MACROD2: variants seen among roughly 807,000 people sequenced by gnomAD.
The protein encoded by MACROD2 is ADP-ribose glycohydrolase MACROD2.
A neutral mutation model predicts 70.4 loss-of-function variants in MACROD2; 36 were observed. That is an observed-to-expected ratio of 0.51 (90% confidence interval 0.39 to 0.68). MACROD2 has a LOEUF of 0.68. Among genes scored for constraint, MACROD2 ranks in the 30% least tolerant of loss-of-function variants. MACROD2 has a pLI of 0.00. For missense variants in MACROD2, 496 were observed against 538.4 expected, an observed-to-expected ratio of 0.92 and a Z score of 0.78; for synonymous variants, 172 against 178.8, an observed-to-expected ratio of 0.96 and a Z score of 0.30.
At chr20:15,897,552 G>A (rs1260861248) in intron 10 of MACROD2, among the ~76,000 whole-genome samples, 7 of 151,282 alleles carry the variant, frequency 4.6e-5, no homozygotes, top group African/African-American at 1.5e-4. Flanking sequence ...AACCCATATC[G>A]CATTTTGTCC....
At chr20:15,474,697 C>T (rs564474703) in intron 7 of MACROD2, among the ~76,000 whole-genome samples, 9 of 152,296 alleles carry the variant, frequency 5.9e-5, no homozygotes, top group South Asian at 4.1e-4. Context: ...CCCATAGGTG[C>T]GTGGCTTGAC....
At chr20:14,426,153 C>T (rs2083930365) in intron 3 of MACROD2, among the ~76,000 whole-genome samples, 1 of 151,996 alleles carries the variant, frequency 6.6e-6, no homozygotes, top group Non-Finnish European at 1.5e-5. Flanking sequence ...ATTGATTTTA[C>T]CACTCCTCTT....
intron 5 of MACROD2, among the ~76,000 whole-genome samples, chr20:15,165,890 C>G (rs1283910265): frequency 1.3e-5 from 2 of 151,956 alleles, no homozygotes; most frequent in Non-Finnish European, 1.5e-5. Context: ...GTCCAAATGT[C>G]TATCAATCAA....
At position 15,916,203 on chromosome 20, in the gene MACROD2, G is replaced by A. The variant is rs139723390; in HGVS notation, c.776-17073G>A. On this transcript the variant is annotated intron_variant, in intron 10 of 17. Coordinates refer to ENST00000684519, the MANE Select transcript of MACROD2 (RefSeq NM_001351661.2). ...TTCCCACACACACCCTACTTTTGGG[G>A]AGCCTGGCTCTGGGCTTTTTCTCAC... Among the ~76,000 whole-genome samples the A allele has an allele frequency of 4.3e-3, 649 of 152,208 alleles. 4 individuals carry two copies. Among genetic ancestry groups the A allele is most frequent in the African/African-American group, 0.014 (602 of 41,522 alleles).
At chr20:15,639,209 C>T (rs1246188767) in intron 8 of MACROD2, among the ~76,000 whole-genome samples, 1 of 152,038 alleles carries the variant, frequency 6.6e-6, no homozygotes, top group Admixed American at 6.6e-5. Context: ...ATGAAAAATA[C>T]AATAAAGATC....
chr20:14,963,892 T>A (rs1462474255), intron 5 of MACROD2, among the ~76,000 whole-genome samples: 13 of 152,194 alleles, frequency 8.5e-5, no homozygotes, highest in Non-Finnish European at 1.6e-4. Flanking sequence ...TGTTGACTTC[T>A]AAAGTAGAGA....
At chr20:14,289,212 C>T (rs1188628736) in intron 3 of MACROD2, among the ~76,000 whole-genome samples, 1 of 152,150 alleles carries the variant, frequency 6.6e-6, no homozygotes, top group Non-Finnish European at 1.5e-5. Flanking sequence ...TGTCCCTGTG[C>T]TTGTGGATTC....
intron 2 of MACROD2, among the ~76,000 whole-genome samples, chr20:14,020,193 C>T (rs1373550437): frequency 1.3e-5 from 2 of 152,186 alleles, no homozygotes; most frequent in East Asian, 3.9e-4. Flanking sequence ...CCATTGTCAG[C>T]CGGGCGCGGT....
At chr20:14,220,468 G>A (rs964400839) in intron 3 of MACROD2, among the ~76,000 whole-genome samples, 2 of 152,184 alleles carry the variant, frequency 1.3e-5, no homozygotes, top group Non-Finnish European at 2.9e-5. Flanking sequence ...TCCTAGCTTT[G>A]AAAGATAAGA....
At chr20:14,536,823 T>G (rs2085372607) in intron 4 of MACROD2, among the ~76,000 whole-genome samples, 1 of 152,252 alleles carries the variant, frequency 6.6e-6, no homozygotes, top group Admixed American at 6.5e-5. Context: ...GGTGCCCATC[T>G]GCAGTAAATT....
At chr20:14,780,905 G>T (rs991277690) in intron 5 of MACROD2, among the ~76,000 whole-genome samples, 4 of 151,912 alleles carry the variant, frequency 2.6e-5, no homozygotes, top group African/African-American at 9.7e-5. Context: ...AACTTTTTTA[G>T]TTTTATTTTA....
intron 8 of MACROD2, among the ~76,000 whole-genome samples, chr20:15,772,100 AAATAT>A (rs1302762054): frequency 1.7e-4 from 15 of 89,688 alleles, no homozygotes; most frequent in African/African-American, 9.4e-4. Flanking sequence ...AAAAAAAAAA[AAATAT>A]ATATATATAT....
intron 6 of MACROD2, among the ~76,000 whole-genome samples, chr20:15,412,226 T>C (rs2046088284): frequency 6.6e-6 from 1 of 152,134 alleles, no homozygotes; most frequent in African/African-American, 2.4e-5. Flanking sequence ...TTATTTCTGT[T>C]AATGAGACAC....
At chr20:15,898,736 C>T (rs6043602) in intron 10 of MACROD2, among the ~76,000 whole-genome samples, 142,924 of 151,938 alleles carry the variant, frequency 0.94, 67,623 homozygotes, top group East Asian at 1. Flanking sequence ...AAAGCAAATA[C>T]TGATTTCAGT....
At chr20:14,063,495 A>G (rs1245237493) in intron 2 of MACROD2, among the ~76,000 whole-genome samples, 2 of 152,198 alleles carry the variant, frequency 1.3e-5, no homozygotes, top group African/African-American at 4.8e-5. Flanking sequence ...TCTAATCTGA[A>G]AATTCAAACT....
At chr20:14,309,510 T>A (rs1196727905) in intron 3 of MACROD2, among the ~76,000 whole-genome samples, 1 of 152,188 alleles carries the variant, frequency 6.6e-6, no homozygotes, top group East Asian at 1.9e-4. Context: ...TGAAGTTTTG[T>A]GCCTGTTCCC....
intron 5 of MACROD2, among the ~76,000 whole-genome samples, chr20:15,156,592 G>T (rs1022168310): frequency 6.6e-6 from 1 of 152,112 alleles, no homozygotes; most frequent in African/African-American, 2.4e-5. Flanking sequence ...CTTTCTACCA[G>T]ATCTCCTACC....
intron 2 of MACROD2, among the ~76,000 whole-genome samples, chr20:14,042,382 A>T (rs776167962): frequency 3.7e-4 from 57 of 152,132 alleles, no homozygotes; most frequent in African/African-American, 1.3e-3. Context: ...GCTTTTTCCT[A>T]TGTTCATACT....
chr20:15,337,268 C>T (rs112818603), intron 6 of MACROD2, among the ~76,000 whole-genome samples: 12 of 151,682 alleles, frequency 7.9e-5, no homozygotes, highest in African/African-American at 2.2e-4. Flanking sequence ...TTTGTTTGTT[C>T]GGTTGGTTTT....
Sources: gnomAD v4.1 joint callset for allele counts (sites outside exome capture counted in the v4.1 genomes callset) on GRCh38, gnomAD v4.1.1 for gene constraint, MANE v1.5 for transcripts, NCBI Gene and HGNC (gene_info 2026-07-23, HGNC 2026-07-21) for gene names.